CATSPERT: variants seen among roughly 807,000 people sequenced by gnomAD.
CATSPERT encodes the protein catsper channel auxiliary subunit tau, also known as cation channel sperm-associated targeting subunit tau.
the CATSPERT span, chr2:201,575,274 G>A: frequency 4.4e-5 from 69 of 1,577,876 alleles, no homozygotes; most frequent in Non-Finnish European, 5.5e-5. Flanking sequence ...TTTCAGTAAA[G>A]TCCTTACTAT....
At chr2:201,602,672 C>T in the CATSPERT span, among the ~76,000 whole-genome samples, 1 of 152,028 alleles carries the variant, frequency 6.6e-6, no homozygotes, top group Non-Finnish European at 1.5e-5. Flanking sequence ...TTTTGTTACT[C>T]TCACATCAAA....
chr2:201,500,556 G>A, the CATSPERT span, among the ~76,000 whole-genome samples: 1 of 151,946 alleles, frequency 6.6e-6, no homozygotes, highest in African/African-American at 2.4e-5. Flanking sequence ...AAACACAGAG[G>A]CCGACTTAGG....
the CATSPERT span, chr2:201,604,654 TC>T: frequency 6.2e-7 from 1 of 1,605,884 alleles, no homozygotes; most frequent in Non-Finnish European, 8.5e-7. Context: ...CTGTGTTATT[TC>T]CAGTTCTTCA....
the CATSPERT span, chr2:201,491,967 G>T: frequency 2.0e-6 from 3 of 1,536,988 alleles, no homozygotes; most frequent in South Asian, 1.2e-5. Context: ...GACTTGCCTG[G>T]ATATTTTCAT....
At chr2:201,515,099 A>C in the CATSPERT span, among the ~76,000 whole-genome samples, 1 of 151,700 alleles carries the variant, frequency 6.6e-6, no homozygotes, top group Non-Finnish European at 1.5e-5. Flanking sequence ...AGTGAAGTAC[A>C]TATGGTCTTT....
chr2:201,515,364 A>G, the CATSPERT span, among the ~76,000 whole-genome samples: 3 of 151,110 alleles, frequency 2.0e-5, no homozygotes, highest in Admixed American at 2.0e-4. Flanking sequence ...CCTCCTGAGT[A>G]GCTGGGACCA....
At chr2:201,604,558 AT>A in the CATSPERT span, 1 of 1,217,370 alleles carries the variant, frequency 8.2e-7, no homozygotes, top group Non-Finnish European at 1.2e-6. Context: ...ATACTGTTTG[AT>A]TATCAAATAA....
the CATSPERT span, among the ~76,000 whole-genome samples, chr2:201,564,913 T>C: frequency 9.9e-5 from 15 of 151,500 alleles, no homozygotes; most frequent in Non-Finnish European, 2.1e-4. Flanking sequence ...GACAAGGCTG[T>C]GGATTGTGGC....
At chr2:201,536,014 A>T in the CATSPERT span, 9 of 1,612,756 alleles carry the variant, frequency 5.6e-6, no homozygotes, top group Non-Finnish European at 7.6e-6. Flanking sequence ...ATACTCCTCA[A>T]ATTTACCTCT....
the CATSPERT span, among the ~76,000 whole-genome samples, chr2:201,588,889 C>T: frequency 1.3e-5 from 2 of 152,250 alleles, no homozygotes; most frequent in South Asian, 4.2e-4. Flanking sequence ...GCTTCTAAAA[C>T]TGATAAACAA....
At chr2:201,596,811 G>C in the CATSPERT span, among the ~76,000 whole-genome samples, 21 of 152,192 alleles carry the variant, frequency 1.4e-4, no homozygotes, top group South Asian at 4.4e-3. Context: ...TTTAGATCTA[G>C]AATTTTTACT....
chr2:201,575,179 T>TA, the CATSPERT span: 1 of 984,600 alleles, frequency 1.0e-6, no homozygotes, highest in South Asian at 2.5e-5. Context: ...ACTAAAAGAA[T>TA]AAAAACATGT....
At chr2:201,575,391 A>G in the CATSPERT span, 1 of 1,346,510 alleles carries the variant, frequency 7.4e-7, no homozygotes, top group Non-Finnish European at 1.0e-6. Flanking sequence ...TATTATCGAA[A>G]CCAAGGGTCC....
At chr2:201,574,067 A>G in the CATSPERT span, 1 of 496,924 alleles carries the variant, frequency 2.0e-6, no homozygotes, top group East Asian at 3.4e-5. Context: ...AGAAGCCCAC[A>G]TACCTCAAAG....
chr2:201,503,136 C>CT, the CATSPERT span, among the ~76,000 whole-genome samples: 4 of 152,114 alleles, frequency 2.6e-5, no homozygotes, highest in African/African-American at 9.7e-5. Flanking sequence ...TAATGGCTCT[C>CT]TTAACATTCT....
At chr2:201,506,030 G>A in the CATSPERT span, among the ~76,000 whole-genome samples, 2 of 152,178 alleles carry the variant, frequency 1.3e-5, no homozygotes, top group East Asian at 1.9e-4. Context: ...CACTTTGGGA[G>A]GCCGAGGCTG....
chr2:201,564,925 G>C, the CATSPERT span, among the ~76,000 whole-genome samples: 25 of 152,126 alleles, frequency 1.6e-4, no homozygotes, highest in South Asian at 5.2e-3. Flanking sequence ...GATTGTGGCA[G>C]ATAAATAGAA....
chr2:201,539,264 C>CTAA, the CATSPERT span, among the ~76,000 whole-genome samples: 1 of 152,190 alleles, frequency 6.6e-6, no homozygotes, highest in South Asian at 2.1e-4. Context: ...AGTAGTTGAA[C>CTAA]TAATTTACAC....
chr2:201,578,182 G>T, the CATSPERT span, among the ~76,000 whole-genome samples: 2 of 151,942 alleles, frequency 1.3e-5, no homozygotes, highest in Non-Finnish European at 2.9e-5. Context: ...AAAAATAAGG[G>T]AATAATAAAT....
Sources: allele counts gnomAD v4.1 joint callset (sites outside exome capture counted in the v4.1 genomes callset), GRCh38; gene constraint gnomAD v4.1.1; transcripts MANE v1.5; gene names NCBI Gene and HGNC (gene_info 2026-07-23, HGNC 2026-07-21).